The following SLC24A2 variants were observed in gnomAD, a reference collection of about 807,000 sequenced individuals.
SLC24A2 encodes solute carrier family 24 member 2, also known as sodium/potassium/calcium exchanger 2.
Under a neutral mutation model 62.0 loss-of-function variants are expected in SLC24A2, and 36 were observed. The ratio of observed to expected loss-of-function variants is 0.58; its 90% CI spans 0.44 to 0.77. SLC24A2 has a LOEUF of 0.77. SLC24A2 is among the 30% of genes least tolerant of loss of function. SLC24A2 has a pLI of 0.00. For missense variants in SLC24A2, 846 were observed against 817.9 expected (o/e 1.03, Z -0.42); for synonymous variants, 358 against 294.0 (o/e 1.22, Z -2.23).
At chr9:19,825,690 C>T in the SLC24A2 span, among the ~76,000 whole-genome samples, 4 of 152,164 alleles carry the variant, frequency 2.6e-5, no homozygotes, top group Non-Finnish European at 4.4e-5. Flanking sequence ...AGTCTTACGT[C>T]CTGCCCCACA....
the SLC24A2 span, among the ~76,000 whole-genome samples, chr9:20,016,665 G>A: frequency 6.6e-6 from 1 of 152,104 alleles, no homozygotes; most frequent in Admixed American, 6.5e-5. Flanking sequence ...CTAAATCATG[G>A]AGAATATATT....
At chr9:20,030,283 A>C in the SLC24A2 span, among the ~76,000 whole-genome samples, 1 of 152,304 alleles carries the variant, frequency 6.6e-6, no homozygotes, top group East Asian at 1.9e-4. Context: ...GGGAACCTTG[A>C]AGGGTTTCAG....
At chr9:20,216,064 T>C in the SLC24A2 span, among the ~76,000 whole-genome samples, 317 of 150,040 alleles carry the variant, frequency 2.1e-3, 2 homozygotes, top group Non-Finnish European at 3.7e-3. Context: ...ATCTACTATT[T>C]TGTGATAAAT....
chr9:19,708,911 C>G (rs1373455223), intron 2 of SLC24A2, among the ~76,000 whole-genome samples: 2 of 152,064 alleles, frequency 1.3e-5, no homozygotes, highest in Non-Finnish European at 2.9e-5. Flanking sequence ...CAAATGGGAT[C>G]TAATTAAACT....
chr9:19,801,298 T>C, the SLC24A2 span, among the ~76,000 whole-genome samples: 1 of 152,216 alleles, frequency 6.6e-6, no homozygotes, highest in Non-Finnish European at 1.5e-5. Context: ...CACATAGCTG[T>C]GCAGGAACAA....
At position 19,786,421 on chromosome 9, in the gene SLC24A2, A is replaced by G. The variant is rs759640256; in HGVS notation, c.446T>C (p.Leu149Ser). The change falls in exon 2 of 11, where the codon TTA (leucine) becomes TCA (serine). Residue 149 changes from leucine to serine, a missense_variant. Coordinates refer to ENST00000341998, the MANE Select transcript of SLC24A2 (RefSeq NM_020344.4). This position sits in a 1 kb window ranked among gnomAD's most constrained non-coding sequence, Gnocchi z 5.0. ...AAAGAACTCATCACAGACAATGGCT[A>G]AGGCTATGAACATGTAGATCATTCC... ...VIGMIYMFIA[L>S]AIVCDEFFVP... 6.2e-7 allele frequency: 1 copy of G among 1,614,178 alleles called. No individual in the cohort carries two copies. Among genetic ancestry groups the G allele is most frequent in the South Asian group, 1.1e-5 (1 of 91,086 alleles).
the SLC24A2 span, among the ~76,000 whole-genome samples, chr9:20,030,427 A>T: frequency 6.6e-6 from 1 of 152,196 alleles, no homozygotes; most frequent in South Asian, 2.1e-4. Flanking sequence ...CCATGCAGAA[A>T]GGCAGTGTGA....
rs969502547 is a variant in SLC24A2, at chr9:19,680,131, C to T, written c.931-57832G>A. On this transcript the variant is annotated intron_variant, in intron 2 of 10. Coordinates refer to ENST00000341998, the MANE Select transcript of SLC24A2 (RefSeq NM_020344.4). Reference sequence around the variant, plus strand: ...GGGGCTACAAAGAATTCACAGTCTACAGGGAAAGACAATACAGAACTCTAT... The same window carrying T: ...GGGGCTACAAAGAATTCACAGTCTATAGGGAAAGACAATACAGAACTCTAT... Among the ~76,000 whole-genome samples, 4 of 73,380 alleles carry T rather than the reference C, an allele frequency of 5.5e-5. 1 individual carries two copies. Among genetic ancestry groups the T allele is most frequent in the South Asian group, 9.2e-4 (2 of 2,174 alleles). 48.1% of individuals were successfully genotyped at this position (73,380 alleles called of 152,430 possible). A position where few individuals can be genotyped will look rare whatever the true frequency, so the allele number is the denominator to read the frequency against.
At chr9:19,547,296 C>A (rs1342601579) in intron 8 of SLC24A2, among the ~76,000 whole-genome samples, 1 of 152,144 alleles carries the variant, frequency 6.6e-6, no homozygotes, top group Non-Finnish European at 1.5e-5. Context: ...TGAAGTAAAG[C>A]CCCGCTGGCT....
At chr9:19,797,563 A>G in the SLC24A2 span, among the ~76,000 whole-genome samples, 1 of 152,240 alleles carries the variant, frequency 6.6e-6, no homozygotes, top group Non-Finnish European at 1.5e-5. Context: ...TTCCAGAAAC[A>G]CATGTCAGTA....
the SLC24A2 span, among the ~76,000 whole-genome samples, chr9:19,893,046 A>G: frequency 6.6e-6 from 1 of 152,172 alleles, no homozygotes; most frequent in African/African-American, 2.4e-5. Flanking sequence ...GGTTTCCCCA[A>G]ACACATTCCA....
the SLC24A2 span, among the ~76,000 whole-genome samples, chr9:19,878,340 G>A: frequency 1.2e-4 from 19 of 152,226 alleles, no homozygotes; most frequent in African/African-American, 3.1e-4. Flanking sequence ...AGTGGGGCCA[G>A]TTCCATTGGA....
In SLC24A2 at chr9:19,528,103, G is replaced by T; in HGVS notation, c.1515C>A (p.Gly505=). 1.9e-6 allele frequency: 3 copies of T among 1,597,448 alleles called. No homozygotes were observed. Among genetic ancestry groups the T allele is most frequent in the Non-Finnish European group, 2.6e-6 (3 of 1,171,294 alleles). The part of the protein sequence containing the change: ...SRKFFPITFF[G]SITWIAVFSY... Reference sequence around the variant, plus strand: ...AGAATACTGCAATCCAGGTAATGGAGCCAAAGAACGTGATGGGAAAAAACT... The same window carrying T: ...AGAATACTGCAATCCAGGTAATGGATCCAAAGAACGTGATGGGAAAAAACT... Residue 505 remains glycine, a synonymous_variant, in exon 9 of 11, where the codon GGC becomes GGA. Transcript: ENST00000341998.
the SLC24A2 span, among the ~76,000 whole-genome samples, chr9:20,177,588 G>A: frequency 6.6e-6 from 1 of 152,114 alleles, no homozygotes; most frequent in African/African-American, 2.4e-5. Flanking sequence ...TATAGAGTCA[G>A]ATGCAAGATT....
chr9:19,855,777 C>T, the SLC24A2 span, among the ~76,000 whole-genome samples: 1 of 152,246 alleles, frequency 6.6e-6, no homozygotes, highest in African/African-American at 2.4e-5. Flanking sequence ...GGTTGATCTT[C>T]TCATGGAGTA....
the SLC24A2 span, among the ~76,000 whole-genome samples, chr9:20,302,998 CTG>C: frequency 1.6e-4 from 25 of 152,266 alleles, no homozygotes; most frequent in East Asian, 4.4e-3. Flanking sequence ...GTTAGAGTAT[CTG>C]ATATATTTTG....
chr9:20,058,514 C>CACAG, the SLC24A2 span, among the ~76,000 whole-genome samples: 6 of 151,614 alleles, frequency 4.0e-5, no homozygotes, highest in Non-Finnish European at 8.8e-5. Context: ...CACACACACA[C>CACAG]ACACACAAAT....
intron 2 of SLC24A2, among the ~76,000 whole-genome samples, chr9:19,706,431 G>C (rs1473483938): frequency 6.7e-6 from 1 of 148,834 alleles, no homozygotes; most frequent in East Asian, 2.0e-4. Context: ...CCATGCTGGA[G>C]TGCAGTGGCG....
chr9:19,606,717 T>C (rs1308760724), intron 4 of SLC24A2, among the ~76,000 whole-genome samples: 1 of 152,236 alleles, frequency 6.6e-6, no homozygotes, highest in Non-Finnish European at 1.5e-5. Flanking sequence ...GCAACAATGC[T>C]GATTGACTCT....
Sources: gnomAD v4.1 joint callset for allele counts (sites outside exome capture counted in the v4.1 genomes callset) on GRCh38, gnomAD v4.1.1 for gene constraint, Gnocchi (gnomAD v3.1) non-coding constraint, MANE v1.5 for transcripts, NCBI Gene and HGNC (gene_info 2026-07-23, HGNC 2026-07-21) for gene names.